The following TRIAP1 variants were observed in gnomAD, a reference collection of about 807,000 sequenced individuals.
TRIAP1 encodes TP53-regulated inhibitor of apoptosis 1.
Under a neutral mutation model 8.4 loss-of-function variants are expected in TRIAP1, and 8 were observed. The ratio of observed to expected loss-of-function variants is 0.96; its 90% CI spans 0.56 to 1.73. The LOEUF (loss-of-function observed/expected upper bound fraction) is 1.73. TRIAP1 is among the 40% of genes most tolerant of loss of function. The probability of loss-of-function intolerance (pLI) is 0.00; values close to 1 mark genes in which losing one functional copy is unlikely to be tolerated. For synonymous variants in TRIAP1, 35 were observed against 34.0 expected, an observed-to-expected ratio of 1.03 and a Z score of -0.10; for missense variants, 90 against 96.9, an observed-to-expected ratio of 0.93 and a Z score of 0.30.
At position 120,444,926 on chromosome 12, in the gene TRIAP1, A is replaced by G; in HGVS notation, c.177T>C (p.Ile59=). 1 of 1,613,834 alleles carries G rather than the reference A, an allele frequency of 6.2e-7. No individual in the cohort carries two copies. The highest frequency in any genetic ancestry group is 8.5e-7 in the Non-Finnish European group (1 of 1,179,868). The change falls in exon 2 of 2, where the codon ATT becomes ATC. Residue 59 remains isoleucine (I), a synonymous_variant. Transcript: ENST00000546954. ...CATGGCCCATGAACTCCAGTCCTTC[A>G]ATAGGAATCTCTTTCTCCTTTATTG... is the stretch of plus-strand genomic sequence containing the variant. ...QKAIKEKEIP[I]EGLEFMGHGK...
Position 120,444,861 on chromosome 12 carries a change from G to T in TRIAP1, c.*11C>A. The T allele has an allele frequency of 6.2e-7, 1 of 1,609,684 alleles. No individual in the cohort carries two copies. The highest frequency in any genetic ancestry group is 1.1e-5 in the South Asian group (1 of 90,758). On this transcript the variant is annotated 3_prime_UTR_variant, in exon 2 of 2. Transcript: ENST00000546954. ...CTGGACTTGCGAAATCCTTCAAGGT[G>T]ACTGTCAAGGTCAAGAAGAATTTTC...
Position 120,446,236 on chromosome 12 carries a change from T to G in TRIAP1, c.137A>C (p.Gln46Pro). Residue 46 changes from glutamine (Q) to proline (P), a missense_variant, in exon 1 of 2, where the codon CAG becomes CCG. Physicochemically the swap from Gln to Pro is moderately conservative, Grantham distance 76 (BLOSUM62 -1). Coordinates refer to ENST00000546954, the MANE Select transcript of TRIAP1 (RefSeq NM_016399.3). The stretch of plus-strand genomic sequence containing the variant: ...GGCGGGAGGGCTCACCTGAACACAC[T>G]GCTGGTAGCGCTTGAAGAGGTCGGT... Reference protein sequence around the residue: ...PCTDLFKRYQQCVQKAIKEKE... With the variant: ...PCTDLFKRYQPCVQKAIKEKE... The G allele has an allele frequency of 6.2e-7, 1 of 1,614,004 alleles. No homozygotes were observed. The highest frequency in any genetic ancestry group is 8.5e-7 in the Non-Finnish European group (1 of 1,179,962).
chr12:120,444,995 A>C (rs1356587332), intron 1 of TRIAP1, 40 bp from the exon 2 acceptor site: 3 of 1,414,574 alleles, frequency 2.1e-6, no homozygotes, highest in African/African-American at 2.9e-5. Flanking sequence ...ACCTACATGA[A>C]GCTTAAGTTG....
intron 1 of TRIAP1, 63 bp from the exon 2 acceptor site, chr12:120,445,018 A>G (rs1053381448): frequency 4.2e-6 from 5 of 1,199,162 alleles, no homozygotes; most frequent in Non-Finnish European, 6.0e-6. Flanking sequence ...AGCTTTGTAA[A>G]TAAAATATGA....
chr12:120,445,733 G>A (rs1259939202), intron 1 of TRIAP1, among the ~76,000 whole-genome samples: 1 of 152,108 alleles, frequency 6.6e-6, no homozygotes, highest in African/African-American at 2.4e-5. Context: ...TGCAGTTGCG[G>A]GGACTGGTCA....
At chr12:120,445,697 T>C (rs868350580) in intron 1 of TRIAP1, among the ~76,000 whole-genome samples, 3 of 152,260 alleles carry the variant, frequency 2.0e-5, no homozygotes, top group African/African-American at 7.2e-5. Context: ...TCCACATCCA[T>C]TGGGCCAGAA....
chr12:120,444,878 A>C lies in TRIAP1; in HGVS notation c.225T>G (p.Ser75=), dbSNP rs1314268378. 1 of 1,613,426 alleles carries C rather than the reference A, an allele frequency of 6.2e-7. No individual in the cohort carries two copies. Among genetic ancestry groups the C allele is most frequent in the Non-Finnish European group, 8.5e-7 (1 of 1,179,658 alleles). ...MGHGKEKPEN[S]S is the part of the protein sequence containing the mutation. ...TTCAAGGTGACTGTCAAGGTCAAGA[A>C]GAATTTTCAGGCTTTTCTTTGCCAT... Residue 75 remains serine (S), a synonymous_variant, in exon 2 of 2, where the codon TCT becomes TCG. Transcript: ENST00000546954.
chr12:120,446,062 A>G, intron 1 of TRIAP1, 164 bp downstream of exon 1: 1 of 901,640 alleles, frequency 1.1e-6, no homozygotes, highest in Non-Finnish European at 1.6e-6. Context: ...GAGACACCCA[A>G]GTGGCCTCGG....
rs553897576 is a variant in TRIAP1, at chr12:120,445,642, T to C, written c.147+584A>G. ...TGTGAGGATGTGTTGGGTTAACTTA[T>C]TGGAAGTGCTTTGCCCGGTGCTGTT... On this transcript the variant is annotated intron_variant, in intron 1 of 1. Coordinates refer to ENST00000546954, the MANE Select transcript of TRIAP1 (RefSeq NM_016399.3). 9.8e-5 allele frequency among the ~76,000 whole-genome samples: 15 copies of C among 152,300 alleles called. No homozygotes were observed. In the South Asian group the frequency reaches 1.7e-3, roughly 17 times the overall value.
chr12:120,445,922 G>A lies in TRIAP1; in HGVS notation c.147+304C>T, dbSNP rs567158584. On this transcript the variant is annotated intron_variant, in intron 1 of 1. Transcript: ENST00000546954. ...CTCGGATTAATCACTTCCTATTTCT[G>A]GGTGTTAGTTTTTTATGTATAAAAT... The A allele has an allele frequency of 2.1e-5, 7 of 337,628 alleles. No homozygotes were observed. In the South Asian group the frequency reaches 4.0e-4, roughly 19 times the overall value. 20.9% of individuals were successfully genotyped at this position (337,628 alleles called of 1,614,324 possible).
chr12:120,444,487 T>C lies in TRIAP1; in HGVS notation c.*385A>G, dbSNP rs752401712. 1.1e-5 allele frequency: 2 copies of C among 185,844 alleles called. No homozygotes were observed. The highest frequency in any genetic ancestry group is 6.4e-5 in the Admixed American group (1 of 15,740). The allele number at this position is 185,844 out of a possible 1,614,324, so 11.5% of individuals were successfully genotyped here. ...AAGAGGTCCTAACCAATTGCTTTCATAAATAGTGACCCCAGTACAGTGTAT... is the reference window on the plus strand; with the variant it reads ...AAGAGGTCCTAACCAATTGCTTTCACAAATAGTGACCCCAGTACAGTGTAT... On this transcript the variant is annotated 3_prime_UTR_variant, in exon 2 of 2. Coordinates refer to ENST00000546954, the MANE Select transcript of TRIAP1 (RefSeq NM_016399.3).
intron 1 of TRIAP1, among the ~76,000 whole-genome samples, chr12:120,445,476 C>G (rs569476157): frequency 6.6e-6 from 1 of 152,184 alleles, no homozygotes; most frequent in East Asian, 1.9e-4. Context: ...GTGAGGGAAC[C>G]GTTAAAATTA....
intron 1 of TRIAP1, 76 bp from the exon 2 acceptor site, chr12:120,445,031 GTA>G: frequency 9.3e-7 from 1 of 1,076,756 alleles, no homozygotes; most frequent in Non-Finnish European, 1.4e-6. Flanking sequence ...AAATATGACA[GTA>G]CAAAAGTAAA....
Position 120,446,334 on chromosome 12 carries a change from G to A in TRIAP1, c.39C>T (p.Arg13=). ...AGCGATTGAAGCACTGGTCGTACTCGCGCTTCATGTCCGTGCATGCCTCCC... is the reference window on the plus strand; with the variant it reads ...AGCGATTGAAGCACTGGTCGTACTCACGCTTCATGTCCGTGCATGCCTCCC... ...SVGEACTDMK[R]EYDQCFNRWF... Residue 13 remains arginine (R), a synonymous_variant, in exon 1 of 2, where the codon CGC becomes CGT. Transcript: ENST00000546954. The A allele has an allele frequency of 1.2e-6, 2 of 1,614,236 alleles. No homozygotes were observed. The highest frequency in any genetic ancestry group is 1.1e-5 in the South Asian group (1 of 91,090).
In TRIAP1 at chr12:120,444,929, A is replaced by T. The variant is rs760618199; in HGVS notation, c.174T>A (p.Pro58=). 6.2e-7 allele frequency: 1 copy of T among 1,613,668 alleles called. No individual in the cohort carries two copies. Among genetic ancestry groups the T allele is most frequent in the African/African-American group, 1.3e-5 (1 of 74,908 alleles). Residue 58 remains proline (P), a synonymous_variant, in exon 2 of 2, where the codon CCT becomes CCA. Transcript: ENST00000546954. ...GGCCCATGAACTCCAGTCCTTCAAT[A>T]GGAATCTCTTTCTCCTTTATTGCTT... ...VQKAIKEKEI[P]IEGLEFMGHG...
chr12:120,444,890 C>G lies in TRIAP1; in HGVS notation c.213G>C (p.Lys71Asn). The G allele has an allele frequency of 6.2e-7, 1 of 1,613,662 alleles. No homozygotes were observed. The highest frequency in any genetic ancestry group is 2.2e-5 in the East Asian group (1 of 44,862). Residue 71 changes from lysine to asparagine, a missense_variant, in exon 2 of 2, where the codon AAG (lysine) becomes AAC (asparagine). Transcript: ENST00000546954. ...GTCAAGGTCAAGAAGAATTTTCAGGCTTTTCTTTGCCATGGCCCATGAACT... is the reference window on the plus strand; with the variant it reads ...GTCAAGGTCAAGAAGAATTTTCAGGGTTTTCTTTGCCATGGCCCATGAACT... ...GLEFMGHGKE[K>N]PENSS is the part of the protein sequence containing the mutation.
In TRIAP1 at chr12:120,446,271, C is replaced by G. The variant is rs751227052; in HGVS notation, c.102G>C (p.Gly34=). 1.9e-6 allele frequency: 3 copies of G among 1,614,056 alleles called. No individual in the cohort carries two copies. Among genetic ancestry groups the G allele is most frequent in the Admixed American group, 1.7e-5 (1 of 59,998 alleles). ...AEKFLKGDSS[G]DPCTDLFKRY... The stretch of plus-strand genomic sequence containing the variant: ...GCTTGAAGAGGTCGGTGCACGGGTC[C>G]CCGGAGCTGTCCCCCTTGAGAAATT... Residue 34 remains glycine, a synonymous_variant, in exon 1 of 2, where the codon GGG becomes GGC. Coordinates refer to ENST00000546954, the MANE Select transcript of TRIAP1 (RefSeq NM_016399.3).
chr12:120,444,993 GA>G (rs1287588018), intron 1 of TRIAP1, 38 bp from the exon 2 acceptor site: 3 of 1,446,548 alleles, frequency 2.1e-6, no homozygotes, highest in African/African-American at 2.8e-5. Flanking sequence ...AGACCTACAT[GA>G]AGCTTAAGTT....
chr12:120,444,692 A>G lies in TRIAP1; in HGVS notation c.*180T>C. The G allele has an allele frequency of 1.6e-6, 1 of 609,516 alleles. No homozygotes were observed. The highest frequency in any genetic ancestry group is 2.9e-6 in the Non-Finnish European group (1 of 342,390). 37.8% of individuals were successfully genotyped at this position (609,516 alleles called of 1,614,324 possible). A position where few individuals can be genotyped will look rare whatever the true frequency, so the allele number is the denominator to read the frequency against. On this transcript the variant is annotated 3_prime_UTR_variant, in exon 2 of 2. Transcript: ENST00000546954. ...TTCCTGCAAGATACCACAGCAGGTGAGAAATCATCTCAAAGAGTTCATCTT... is the reference window on the plus strand; with the variant it reads ...TTCCTGCAAGATACCACAGCAGGTGGGAAATCATCTCAAAGAGTTCATCTT...
Sources: allele counts gnomAD v4.1 joint callset (sites outside exome capture counted in the v4.1 genomes callset), GRCh38; gene constraint gnomAD v4.1.1; transcripts MANE v1.5; gene names NCBI Gene and HGNC (gene_info 2026-07-23, HGNC 2026-07-21).